The following GPC6 variants were observed in gnomAD, a reference collection of about 807,000 sequenced individuals.
The protein encoded by GPC6 is glypican-6.
GPC6 carries 14 observed loss-of-function variants against 55.2 expected under a neutral mutation model. The ratio of observed to expected loss-of-function variants is 0.25; its 90% CI spans 0.17 to 0.40. The LOEUF is 0.40. Among genes scored for constraint, GPC6 ranks in the 10% least tolerant of loss-of-function variants. GPC6 has a pLI of 1.00. For missense variants in GPC6, 641 were observed against 708.5 expected (o/e 0.90, Z 1.08); for synonymous variants, 278 against 259.6 (o/e 1.07, Z -0.68).
At chr13:93,424,614 ATCATCATCATCATCT>A (rs1166284901) in intron 1 of GPC6, among the ~76,000 whole-genome samples, 1 of 151,938 alleles carries the variant, frequency 6.6e-6, no homozygotes, top group Non-Finnish European at 1.5e-5. Context: ...TGGTATCATC[ATCATCATCATCATCT>A]TCATCATCAT....
chr13:93,823,986 T>C (rs1887143993), intron 2 of GPC6, among the ~76,000 whole-genome samples: 1 of 152,176 alleles, frequency 6.6e-6, no homozygotes, highest in Non-Finnish European at 1.5e-5. Context: ...TAAAGCAATA[T>C]TGTCTTTTAA....
At chr13:94,111,157 G>A (rs1886231472) in intron 4 of GPC6, among the ~76,000 whole-genome samples, 1 of 151,690 alleles carries the variant, frequency 6.6e-6, no homozygotes, top group Non-Finnish European at 1.5e-5. Context: ...CATATTCTTT[G>A]CCCATTTTTT....
chr13:93,601,506 C>G (rs923661265), intron 2 of GPC6, among the ~76,000 whole-genome samples: 4 of 152,172 alleles, frequency 2.6e-5, no homozygotes, highest in Non-Finnish European at 5.9e-5. Flanking sequence ...TCTGTATATT[C>G]TAATAACAGG....
At chr13:94,345,537 C>T (rs919334939) in intron 6 of GPC6, among the ~76,000 whole-genome samples, 1 of 152,036 alleles carries the variant, frequency 6.6e-6, no homozygotes, top group Non-Finnish European at 1.5e-5. Flanking sequence ...AAGAACATGC[C>T]CATTGCAGAG....
intron 3 of GPC6, among the ~76,000 whole-genome samples, chr13:93,940,302 G>C (rs1396400522): frequency 1.3e-5 from 2 of 151,810 alleles, no homozygotes; most frequent in Non-Finnish European, 2.9e-5. Context: ...CTAGAATTTT[G>C]TAAAGTTAGT....
At chr13:94,239,842 T>C (rs896952382) in intron 4 of GPC6, among the ~76,000 whole-genome samples, 5 of 152,108 alleles carry the variant, frequency 3.3e-5, no homozygotes, top group African/African-American at 1.2e-4. Flanking sequence ...TCCACTCAGC[T>C]TCCCTCTTGG....
chr13:94,372,324 G>A (rs1879590734), intron 6 of GPC6, among the ~76,000 whole-genome samples: 1 of 152,290 alleles, frequency 6.6e-6, no homozygotes, highest in East Asian at 1.9e-4. Flanking sequence ...ACTAGGGAGT[G>A]CCAGACAGTG....
intron 4 of GPC6, among the ~76,000 whole-genome samples, chr13:94,078,061 G>A (rs574550636): frequency 2.5e-4 from 38 of 151,850 alleles, no homozygotes; most frequent in Non-Finnish European, 4.6e-4. Context: ...ATCATGTCAA[G>A]TATCTTTTCT....
chr13:93,518,934 C>T (rs1881307704), intron 1 of GPC6, among the ~76,000 whole-genome samples: 1 of 151,866 alleles, frequency 6.6e-6, no homozygotes, highest in Non-Finnish European at 1.5e-5. Flanking sequence ...AGTTTGCACA[C>T]AGTATTAGTA....
chr13:93,736,721 C>A (rs1566510237), intron 2 of GPC6, among the ~76,000 whole-genome samples: 2 of 152,144 alleles, frequency 1.3e-5, no homozygotes, highest in South Asian at 4.1e-4. Context: ...AAAATAGTAT[C>A]ATTTGCACGG....
chr13:94,272,727 C>T (rs948289505), intron 4 of GPC6, among the ~76,000 whole-genome samples: 16 of 152,024 alleles, frequency 1.1e-4, no homozygotes, highest in African/African-American at 3.6e-4. Context: ...CTTGGCCTCC[C>T]AAAGTGCTGG....
At chr13:94,173,337 G>T (rs1239477942) in intron 4 of GPC6, among the ~76,000 whole-genome samples, 1 of 152,172 alleles carries the variant, frequency 6.6e-6, no homozygotes, top group Non-Finnish European at 1.5e-5. Flanking sequence ...ATTCAGCATA[G>T]CTCTTTGGTA....
intron 1 of GPC6, among the ~76,000 whole-genome samples, chr13:93,350,358 C>T (rs970316131): frequency 1.3e-5 from 2 of 152,116 alleles, no homozygotes; most frequent in Non-Finnish European, 2.9e-5. Flanking sequence ...TGCTTAAACC[C>T]AGGAGGCGGA....
At chr13:93,956,291 T>G (rs1879506082) in intron 3 of GPC6, among the ~76,000 whole-genome samples, 1 of 152,136 alleles carries the variant, frequency 6.6e-6, no homozygotes, top group Non-Finnish European at 1.5e-5. Flanking sequence ...TACATAATAC[T>G]TAATGATTAT....
At chr13:93,454,742 C>T (rs919169908) in intron 1 of GPC6, among the ~76,000 whole-genome samples, 1 of 152,240 alleles carries the variant, frequency 6.6e-6, no homozygotes, top group Non-Finnish European at 1.5e-5. Flanking sequence ...ATCCCGCACC[C>T]GGGCTGCAGG....
At chr13:94,279,228 G>A (rs535548709) in intron 4 of GPC6, among the ~76,000 whole-genome samples, 6 of 152,204 alleles carry the variant, frequency 3.9e-5, no homozygotes, top group Admixed American at 1.3e-4. Flanking sequence ...TTGCATAGAG[G>A]TGTTTATATT....
At chr13:93,902,627 T>C (rs1876422381) in intron 3 of GPC6, among the ~76,000 whole-genome samples, 7 of 152,160 alleles carry the variant, frequency 4.6e-5, no homozygotes, top group Admixed American at 3.9e-4. Context: ...TGAGGAAACG[T>C]CATCCTGTTT....
chr13:94,309,589 A>G (rs1876130406), intron 6 of GPC6, among the ~76,000 whole-genome samples: 1 of 152,204 alleles, frequency 6.6e-6, no homozygotes, highest in African/African-American at 2.4e-5. Flanking sequence ...CTAAAGTTAT[A>G]TACACATAAG....
At chr13:93,364,012 T>C (rs9524018) in intron 1 of GPC6, among the ~76,000 whole-genome samples, 19,024 of 151,974 alleles carry the variant, frequency 0.13, 1,519 homozygotes, top group East Asian at 0.37. Context: ...TTTGTTTGAG[T>C]TCATTGTAGA....
Sources: gnomAD v4.1 joint callset for allele counts (sites outside exome capture counted in the v4.1 genomes callset) on GRCh38, gnomAD v4.1.1 for gene constraint, MANE v1.5 for transcripts, NCBI Gene and HGNC (gene_info 2026-07-23, HGNC 2026-07-21) for gene names.